The following DNAJC16 variants were observed in gnomAD, a reference collection of about 807,000 sequenced individuals.
DNAJC16 encodes dnaJ homolog subfamily C member 16.
A neutral mutation model predicts 92.7 loss-of-function variants in DNAJC16; 76 were observed. The observed-to-expected ratio is 0.82, with a 90% CI of 0.68 to 0.99. DNAJC16 has a LOEUF of 0.99. Ranked by LOEUF, DNAJC16 falls within the 50% of genes least tolerant of loss-of-function variation. DNAJC16 has a pLI of 0.00. For missense variants in DNAJC16, 869 were observed against 942.4 expected (o/e 0.92, Z 1.02); for synonymous variants, 328 against 358.7 (o/e 0.91, Z 0.97).
chr1:15,543,404 A>G (rs12124078), intron 4 of DNAJC16, among the ~76,000 whole-genome samples: 48,277 of 152,124 alleles, frequency 0.32, 8,038 homozygotes, highest in East Asian at 0.58. Flanking sequence ...AGGAGCATCC[A>G]CTGTCTTCAT....
At chr1:15,555,933 A>T (rs1460226297) in intron 7 of DNAJC16, among the ~76,000 whole-genome samples, 1 of 149,558 alleles carries the variant, frequency 6.7e-6, no homozygotes, top group Non-Finnish European at 1.5e-5. Context: ...GGAGGTTGTG[A>T]TGAGCCACGA....
At chr1:15,539,759 G>A (rs113395786) in intron 4 of DNAJC16, among the ~76,000 whole-genome samples, 8 of 151,632 alleles carry the variant, frequency 5.3e-5, no homozygotes, top group African/African-American at 1.9e-4. Flanking sequence ...CAGGCATGGT[G>A]GCTCACGCCT....
chr1:15,556,935 C>T (rs921814493), intron 7 of DNAJC16, among the ~76,000 whole-genome samples: 6 of 152,174 alleles, frequency 3.9e-5, no homozygotes, highest in African/African-American at 1.4e-4. Flanking sequence ...TTTCTACATC[C>T]ATTAGATTAT....
chr1:15,528,677 C>A (rs896776077), intron 1 of DNAJC16, among the ~76,000 whole-genome samples: 7 of 152,138 alleles, frequency 4.6e-5, no homozygotes, highest in African/African-American at 1.7e-4. Context: ...TTAACATGTA[C>A]TCAATGAAGT....
intron 11 of DNAJC16, 44 bp from the exon 12 acceptor site, chr1:15,565,875 A>T: frequency 3.2e-6 from 5 of 1,575,580 alleles, no homozygotes; most frequent in Non-Finnish European, 4.3e-6. Context: ...AGCTGGAGAG[A>T]AGAAATTTTA....
At chr1:15,546,918 T>C (rs78204083) in intron 6 of DNAJC16, 47 bp downstream of exon 6, 2 of 613,242 alleles carry the variant, frequency 3.3e-6, no homozygotes, top group Admixed American at 4.8e-5. Flanking sequence ...TTCTTTTCTT[T>C]TTTTTTTTTT....
At chr1:15,557,533 TATTTC>T (rs1363031482) in intron 7 of DNAJC16, among the ~76,000 whole-genome samples, 1 of 149,936 alleles carries the variant, frequency 6.7e-6, no homozygotes, top group Non-Finnish European at 1.5e-5. Context: ...TTATCTGTAT[TATTTC>T]CTTTCTACTT....
chr1:15,543,577 G>A (rs1710985940), intron 4 of DNAJC16, among the ~76,000 whole-genome samples: 1 of 152,198 alleles, frequency 6.6e-6, no homozygotes, highest in African/African-American at 2.4e-5. Flanking sequence ...GCAGAGGAGT[G>A]ATGTGATCCA....
intron 8 of DNAJC16, 47 bp downstream of exon 8, chr1:15,559,703 T>A: frequency 6.3e-7 from 1 of 1,599,896 alleles, no homozygotes; most frequent in Non-Finnish European, 8.5e-7. Flanking sequence ...AATAGAAGGA[T>A]CATGATTCAT....
intron 13 of DNAJC16, chr1:15,566,388 G>A (rs545296419): frequency 7.2e-6 from 4 of 553,066 alleles, no homozygotes; most frequent in Non-Finnish European, 1.3e-5. Flanking sequence ...CATAATGAAG[G>A]CAGAAGGAAA....
chr1:15,565,630 C>T (rs562569272), intron 11 of DNAJC16: 1 of 354,076 alleles, frequency 2.8e-6, no homozygotes, highest in African/African-American at 2.2e-5. Flanking sequence ...CACCTTAAGT[C>T]CTTTATTATC....
rs1311001923 is a variant in DNAJC16, at chr1:15,570,299, GTTTTTA to G, written c.*2129_*2134del. On this transcript the variant is annotated 3_prime_UTR_variant, in exon 15 of 15. Transcript: ENST00000375847. ...GAGTGGTCTTTTGGTTTGGTAGTAGGTTTTTATTTTTAATTTCTGTACTAATGAAAT... is the reference window on the plus strand; with the variant it reads ...GAGTGGTCTTTTGGTTTGGTAGTAGGTTTTTAATTTCTGTACTAATGAAAT... 6.6e-6 allele frequency: 1 copy of G among 151,994 alleles called. No homozygotes were observed. Among genetic ancestry groups the G allele is most frequent in the African/African-American group, 2.4e-5 (1 of 41,364 alleles). 9.4% of individuals were successfully genotyped at this position (151,994 alleles called of 1,614,324 possible). A position where few individuals can be genotyped will look rare whatever the true frequency, so the allele number is the denominator to read the frequency against.
chr1:15,552,655 A>AT (rs985432499), intron 7 of DNAJC16, among the ~76,000 whole-genome samples: 5 of 150,504 alleles, frequency 3.3e-5, no homozygotes, highest in African/African-American at 7.3e-5. Context: ...TTTGTTTTTA[A>AT]TTTTTTTTTA....
At chr1:15,555,910 GAACCC>G (rs1638558580) in intron 7 of DNAJC16, among the ~76,000 whole-genome samples, 1 of 150,566 alleles carries the variant, frequency 6.6e-6, no homozygotes, top group African/African-American at 2.4e-5. Flanking sequence ...AGAATCACTT[GAACCC>G]AGGAGGCGGA....
At position 15,548,308 on chromosome 1, in the gene DNAJC16, A is replaced by T. The variant is rs760737339; in HGVS notation, c.903A>T (p.Gly301=). The T allele has an allele frequency of 1.3e-5, 21 of 1,614,020 alleles. No individual in the cohort carries two copies. Among genetic ancestry groups the T allele is most frequent in the Non-Finnish European group, 1.8e-5 (21 of 1,180,010 alleles). ...AFAYKDYLSF[G]YVYVGLRGTE... ...CATACAAAGATTATTTATCATTTGGATATGTATATGTGGGTTTGAGAGGGA... is the reference window on the plus strand; with the variant it reads ...CATACAAAGATTATTTATCATTTGGTTATGTATATGTGGGTTTGAGAGGGA... Residue 301 remains glycine, a synonymous_variant, in exon 7 of 15, where the codon GGA becomes GGT. Coordinates refer to ENST00000375847, the MANE Select transcript of DNAJC16 (RefSeq NM_015291.4).
Position 15,567,946 on chromosome 1 carries a change from A to C in DNAJC16, c.2118A>C (p.Lys706Asn). ...TACTGGCTCTGAATGGCCACAAGAAATACTTCTGCCTCTTCAAGCCCCAAA... is the reference window on the plus strand; with the variant it reads ...TACTGGCTCTGAATGGCCACAAGAACTACTTCTGCCTCTTCAAGCCCCAAA... The part of the protein sequence containing the change: ...GYVLALNGHK[K>N]YFCLFKPQKT... Residue 706 changes from lysine (K) to asparagine (N), a missense_variant, in exon 15 of 15, where the codon AAA (lysine) becomes AAC (asparagine). Physicochemically the swap from Lys to Asn is moderately conservative, Grantham distance 94. Transcript: ENST00000375847. The C allele has an allele frequency of 6.2e-7, 1 of 1,614,226 alleles. No homozygotes were observed. Among genetic ancestry groups the C allele is most frequent in the Non-Finnish European group, 8.5e-7 (1 of 1,180,042 alleles).
chr1:15,555,779 G>A (rs1183728517), intron 7 of DNAJC16, among the ~76,000 whole-genome samples: 4 of 151,678 alleles, frequency 2.6e-5, no homozygotes, highest in African/African-American at 4.8e-5. Flanking sequence ...GGAGTTTGAG[G>A]TCAGGAGTTC....
At position 15,559,556 on chromosome 1, in the gene DNAJC16, G is replaced by A. The variant is rs138617449; in HGVS notation, c.1054G>A (p.Asp352Asn). 8.1e-6 allele frequency: 13 copies of A among 1,613,894 alleles called. No homozygotes were observed. The highest frequency in any genetic ancestry group is 8.0e-5 in the African/African-American group (6 of 74,898). Residue 352 changes from aspartate to asparagine, a missense_variant, in exon 8 of 15, where the codon GAC becomes AAC. Transcript: ENST00000375847. ...ARGMKKQIID[D>N]FITRNKYLLA... is the part of the protein sequence containing the mutation. ...AGGTATGAAGAAGCAAATCATTGAC[G>A]ACTTCATCACCCGAAACAAATATCT...
At chr1:15,554,210 A>T (rs572772535) in intron 7 of DNAJC16, among the ~76,000 whole-genome samples, 1 of 152,116 alleles carries the variant, frequency 6.6e-6, no homozygotes, top group Non-Finnish European at 1.5e-5. Flanking sequence ...CTCAAAAAAA[A>T]AAAAGAAAGA....
Sources: allele counts gnomAD v4.1 joint callset (sites outside exome capture counted in the v4.1 genomes callset), GRCh38; gene constraint gnomAD v4.1.1; transcripts MANE v1.5; gene names NCBI Gene and HGNC (gene_info 2026-07-23, HGNC 2026-07-21).